The following CTNNA3 variants were observed in gnomAD, a reference collection of about 807,000 sequenced individuals.
The protein encoded by CTNNA3 is catenin alpha 3, also known as catenin alpha-3.
Under a neutral mutation model 95.7 loss-of-function variants are expected in CTNNA3, and 76 were observed. That is an observed-to-expected ratio of 0.79 (90% CI 0.66 to 0.96). CTNNA3 has a LOEUF of 0.96. Ranked by LOEUF, CTNNA3 falls within the 40% of genes least tolerant of loss-of-function variation. The pLI is 0.00. For missense variants in CTNNA3, 1,191 were observed against 1,089.8 expected (o/e 1.09, Z -1.31); for synonymous variants, 431 against 374.4 (o/e 1.15, Z -1.74).
At position 67,535,039 on chromosome 10, in the gene CTNNA3, T is replaced by G. The variant is rs12415046; in HGVS notation, c.459+4464A>C. On this transcript the variant is annotated intron_variant, in intron 4 of 17. Coordinates refer to ENST00000433211, the MANE Select transcript of CTNNA3 (RefSeq NM_013266.4). ...GGCAAGCAATGGTCACTTAGAGCTC[T>G]TATTGGGTCATTAAAAAGTAAGTCA... Among the ~76,000 whole-genome samples, 3,696 of 152,246 alleles carry G rather than the reference T, an allele frequency of 0.024. 300 individuals carry two copies. The East Asian group carries it at 0.29, about 12-fold the overall frequency.
chr10:66,309,721 T>G (rs1485155522), intron 12 of CTNNA3, among the ~76,000 whole-genome samples: 2 of 125,512 alleles, frequency 1.6e-5, no homozygotes, highest in Admixed American at 8.5e-5. Context: ...AAGGGTTAGA[T>G]TCCAACCTTA....
At position 67,383,199 on chromosome 10, in the gene CTNNA3, G is replaced by A. The variant is rs562052420; in HGVS notation, c.579+138643C>T. Among the ~76,000 whole-genome samples, 17 of 152,158 alleles carry A rather than the reference G, an allele frequency of 1.1e-4. No individual in the cohort carries two copies. In the South Asian group the frequency reaches 3.5e-3, roughly 32 times the overall value. ...AAATTAAGAACAATTAATTGTTAAT[G>A]TACTAGGTGATTTGTTTAAAATAAA... On this transcript the variant is annotated intron_variant, in intron 5 of 17. Coordinates refer to ENST00000433211, the MANE Select transcript of CTNNA3 (RefSeq NM_013266.4).
At chr10:66,203,139 G>A (rs2087541831) in intron 13 of CTNNA3, among the ~76,000 whole-genome samples, 1 of 152,098 alleles carries the variant, frequency 6.6e-6, no homozygotes, top group African/African-American at 2.4e-5. Flanking sequence ...TCTGATAGAA[G>A]ATCCAACCAT....
At position 67,384,091 on chromosome 10, in the gene CTNNA3, T is replaced by C. The variant is rs189914589; in HGVS notation, c.579+137751A>G. Among the ~76,000 whole-genome samples the C allele has an allele frequency of 1.5e-4, 23 of 152,316 alleles. No individual in the cohort carries two copies. In the East Asian group the frequency reaches 4.4e-3, roughly 29 times the overall value. ...CTGTTTTGCTCCTTATCATTACTTA[T>C]ATATGTATATATCACCTTGTGCCAG... On this transcript the variant is annotated intron_variant, in intron 5 of 17. Coordinates refer to ENST00000433211, the MANE Select transcript of CTNNA3 (RefSeq NM_013266.4).
chr10:66,420,835 A>AAATAAATAAATAAATAAATT lies in CTNNA3; in HGVS notation c.1532-41484_1532-41483insAATTTATTTATTTATTTATT, dbSNP rs751801209. Among the ~76,000 whole-genome samples the AAATAAATAAATAAATAAATT allele has an allele frequency of 6.1e-3, 570 of 93,002 alleles. 4 individuals are homozygous for AAATAAATAAATAAATAAATT. The highest frequency in any genetic ancestry group is 0.05 in the East Asian group (174 of 3,498). The allele number at this position is 93,002 out of a possible 152,430, so 61.0% of individuals were successfully genotyped here. A position where few individuals can be genotyped will look rare whatever the true frequency, so the allele number is the denominator to read the frequency against. On this transcript the variant is annotated intron_variant, in intron 11 of 17. Transcript: ENST00000433211. ...TAAATAAATAAATAAATAAATAAAT[A>AAATAAATAAATAAATAAATT]AATAAAAAACAATATGGAGATTTCT...
chr10:67,523,469 T>C (rs1432037939), intron 4 of CTNNA3, among the ~76,000 whole-genome samples: 1 of 152,212 alleles, frequency 6.6e-6, no homozygotes. Context: ...TTGATTGAAC[T>C]GGGTTTTTAT....
At chr10:66,123,630 G>C (rs114295962) in intron 13 of CTNNA3, among the ~76,000 whole-genome samples, 1,554 of 152,226 alleles carry the variant, frequency 0.01, 35 homozygotes, top group African/African-American at 0.036. Context: ...TTCTCCATGG[G>C]ATCCCCACCC....
rs184380048 is a variant in CTNNA3, at chr10:66,503,135, T to C, written c.1531+17482A>G. 7.2e-5 allele frequency among the ~76,000 whole-genome samples: 11 copies of C among 152,310 alleles called. 1 individual carries two copies. The highest frequency in any genetic ancestry group is 5.2e-4 in the Admixed American group (8 of 15,300). ...CCAATAATGTTAGTAATAACAGTTA[T>C]CTTTTACTAGGCCACTCAATATGTC... is the stretch of plus-strand genomic sequence containing the variant. On this transcript the variant is annotated intron_variant, in intron 11 of 17. Transcript: ENST00000433211.
chr10:66,373,360 T>C (rs138806949), intron 12 of CTNNA3, among the ~76,000 whole-genome samples: 198 of 152,148 alleles, frequency 1.3e-3, no homozygotes, highest in African/African-American at 4.6e-3. Flanking sequence ...GGACAGAAAA[T>C]AGATTTTTCC....
At chr10:67,186,027 CAAAA>C (rs201984879) in intron 6 of CTNNA3, among the ~76,000 whole-genome samples, 4 of 97,406 alleles carry the variant, frequency 4.1e-5, no homozygotes, top group Non-Finnish European at 4.4e-5. Flanking sequence ...CTCCGTCTCA[CAAAA>C]AAAAAAAAAA....
chr10:66,565,922 A>T (rs889685428), intron 10 of CTNNA3, among the ~76,000 whole-genome samples: 3 of 152,176 alleles, frequency 2.0e-5, no homozygotes, highest in African/African-American at 7.2e-5. Context: ...TGTATCTGAC[A>T]TATTAGCAGC....
At chr10:66,573,504 G>C (rs1294501367) in intron 10 of CTNNA3, among the ~76,000 whole-genome samples, 1 of 152,124 alleles carries the variant, frequency 6.6e-6, no homozygotes, top group African/African-American at 2.4e-5. Context: ...TTCACACAAA[G>C]TGCTTCACAA....
intron 11 of CTNNA3, among the ~76,000 whole-genome samples, chr10:66,491,491 T>C (rs1198229224): frequency 3.3e-5 from 5 of 152,178 alleles, no homozygotes; most frequent in Non-Finnish European, 5.9e-5. Flanking sequence ...CAGAATTAAA[T>C]GTAATGACCA....
In CTNNA3 at chr10:66,760,485, C is replaced by G. The variant is rs75784683; in HGVS notation, c.1281+5779G>C. ...GTTTGTTTGTTTTTCAATTCCAATGCCTGCCTAGTTTTCAAGGTTCAGCTT... is the reference window on the plus strand; with the variant it reads ...GTTTGTTTGTTTTTCAATTCCAATGGCTGCCTAGTTTTCAAGGTTCAGCTT... On this transcript the variant is annotated intron_variant, in intron 9 of 17. Coordinates refer to ENST00000433211, the MANE Select transcript of CTNNA3 (RefSeq NM_013266.4). Among the ~76,000 whole-genome samples, 1,226 of 152,166 alleles carry G rather than the reference C, an allele frequency of 8.1e-3. 13 individuals are homozygous for G. The highest frequency in any genetic ancestry group is 0.019 in the African/African-American group (807 of 41,514).
Position 66,192,236 on chromosome 10 carries a change from C to T in CTNNA3, c.1884+88234G>A, listed in dbSNP as rs548067176. Reference sequence around the variant, plus strand: ...ATACCTTCACACACTCCCCCGCCAGCAGAACTACACCCTACACATACATGC... The same window carrying T: ...ATACCTTCACACACTCCCCCGCCAGTAGAACTACACCCTACACATACATGC... On this transcript the variant is annotated intron_variant, in intron 13 of 17. Transcript: ENST00000433211. Among the ~76,000 whole-genome samples the T allele has an allele frequency of 2.3e-4, 35 of 152,080 alleles. No individual in the cohort carries two copies. In the East Asian group the frequency reaches 4.9e-3, roughly 21 times the overall value.
chr10:67,558,066 T>C (rs1327180849), intron 3 of CTNNA3, among the ~76,000 whole-genome samples: 1 of 152,116 alleles, frequency 6.6e-6, no homozygotes, highest in African/African-American at 2.4e-5. Flanking sequence ...GTCTTGGAAA[T>C]GTATCTTTTT....
intron 7 of CTNNA3, among the ~76,000 whole-genome samples, chr10:67,021,586 T>TA (rs1349597733): frequency 6.6e-6 from 1 of 152,084 alleles, no homozygotes; most frequent in African/African-American, 2.4e-5. Context: ...TCATGAAAGT[T>TA]ATGTAGTGAT....
At chr10:67,473,134 T>A (rs1206784173) in intron 5 of CTNNA3, among the ~76,000 whole-genome samples, 1 of 152,228 alleles carries the variant, frequency 6.6e-6, no homozygotes, top group Non-Finnish European at 1.5e-5. Flanking sequence ...ATGAACAATA[T>A]ATGAAGTGAA....
At chr10:66,987,738 A>C (rs577316783) in intron 7 of CTNNA3, among the ~76,000 whole-genome samples, 14 of 152,344 alleles carry the variant, frequency 9.2e-5, no homozygotes, top group African/African-American at 3.4e-4. Context: ...TGGCAAAATA[A>C]AAATTATGAA....
Sources: gnomAD v4.1 joint callset for allele counts (sites outside exome capture counted in the v4.1 genomes callset) on GRCh38, gnomAD v4.1.1 for gene constraint, MANE v1.5 for transcripts, NCBI Gene and HGNC (gene_info 2026-07-23, HGNC 2026-07-21) for gene names.